The following ZC4H2 variants were observed in gnomAD, a reference collection of about 807,000 sequenced individuals.
ZC4H2 encodes the protein zinc finger C4H2-type containing, also known as zinc finger C4H2 domain-containing protein.
For missense variants in ZC4H2, 137 were observed against 173.9 expected, an observed-to-expected ratio of 0.79 and a Z score of 1.19; for synonymous variants, 84 against 66.3, an observed-to-expected ratio of 1.27 and a Z score of -1.30.
intron 1 of ZC4H2, among the ~76,000 whole-genome samples, chrX:64,965,949 CAAAAAAAAAAAA>C (rs148777993): frequency 2.7e-5 from 1 of 37,586 alleles, no homozygotes; most frequent in Non-Finnish European, 4.0e-5. Context: ...AACAAAGAAG[CAAAAAAAAAAAA>C]AAAAAAAAAG....
intron 1 of ZC4H2, among the ~76,000 whole-genome samples, chrX:65,028,310 TAG>T (rs752690102): frequency 5.4e-4 from 61 of 111,943 alleles, no homozygotes; most frequent in African/African-American, 1.9e-3. Context: ...TTCTAAGCAT[TAG>T]AGATACAGCA....
intron 1 of ZC4H2, among the ~76,000 whole-genome samples, chrX:65,002,793 C>A (rs1932570266): frequency 9.1e-6 from 1 of 109,787 alleles, no homozygotes; most frequent in African/African-American, 3.3e-5. Context: ...TGTGCTGTGT[C>A]CACTCAGGGT....
intron 1 of ZC4H2, 39 bp from the exon 2 acceptor site, chrX:64,922,027 A>C (rs1318168629): frequency 8.4e-7 from 1 of 1,196,788 alleles, no homozygotes; most frequent in Admixed American, 2.3e-5. Context: ...CCAGCAAAAG[A>C]AGGGAGAAAA....
chrX:64,918,984 C>T (rs188258732), intron 4 of ZC4H2, 58 bp downstream of exon 4: 26 of 1,116,353 alleles, frequency 2.3e-5, no homozygotes, highest in East Asian at 1.2e-4. Context: ...TAGCCTTCCA[C>T]GGCCCTTCCA....
intron 1 of ZC4H2, among the ~76,000 whole-genome samples, chrX:64,997,295 A>G (rs1262132174): frequency 1.8e-5 from 2 of 112,346 alleles, no homozygotes; most frequent in Non-Finnish European, 3.8e-5. Context: ...CCAGATGAAC[A>G]AAAGGTGAGG....
intron 1 of ZC4H2, among the ~76,000 whole-genome samples, chrX:64,951,179 GC>G (rs1930806656): frequency 8.9e-6 from 1 of 112,270 alleles, no homozygotes; most frequent in African/African-American, 3.2e-5. Flanking sequence ...GTATATATGT[GC>G]CACATTTTCT....
intron 1 of ZC4H2, among the ~76,000 whole-genome samples, chrX:64,973,489 A>G (rs1278634423): frequency 9.1e-6 from 1 of 109,655 alleles, no homozygotes; most frequent in Admixed American, 1.0e-4. Context: ...AGTTTACAAT[A>G]TAAATGTGTT....
chrX:64,989,491 GGA>G (rs1404726890), intron 1 of ZC4H2, among the ~76,000 whole-genome samples: 3 of 111,606 alleles, frequency 2.7e-5, no homozygotes, highest in Non-Finnish European at 3.8e-5. Flanking sequence ...GTTGTGAATG[GGA>G]GTTAATTTGA....
intron 1 of ZC4H2, among the ~76,000 whole-genome samples, chrX:64,934,991 C>A (rs1929932624): frequency 9.1e-6 from 1 of 110,436 alleles, no homozygotes; most frequent in South Asian, 3.9e-4. Context: ...GTTCACTCCC[C>A]TGGAAAGCGG....
chrX:64,915,995 A>C lies in ZC4H2; in HGVS notation c.*1788T>G, dbSNP rs979075122. 3 of 111,897 alleles carry C rather than the reference A, an allele frequency of 2.7e-5. No individual in the cohort carries two copies. The highest frequency in any genetic ancestry group is 9.8e-5 in the African/African-American group (3 of 30,757). The allele number at this position is 111,897 out of a possible 1,213,427, so 9.2% of individuals were successfully genotyped here. A position where few individuals can be genotyped will look rare whatever the true frequency, so the allele number is the denominator to read the frequency against. On this transcript the variant is annotated 3_prime_UTR_variant, in exon 5 of 5. Transcript: ENST00000374839. Reference sequence around the variant, plus strand: ...AGTTATTTCAACCACTCTCATCATCAAGCCATTCTGAAAGGGAGAAAGGTT... The same window carrying C: ...AGTTATTTCAACCACTCTCATCATCCAGCCATTCTGAAAGGGAGAAAGGTT...
At chrX:65,022,319 TA>T (rs1932842858) in intron 1 of ZC4H2, among the ~76,000 whole-genome samples, 11 of 111,682 alleles carry the variant, frequency 9.8e-5, no homozygotes, top group Admixed American at 3.8e-4. Context: ...TCAAAAAGCT[TA>T]TCCACCATGA....
chrX:65,014,249 C>T (rs2147287652), intron 1 of ZC4H2, among the ~76,000 whole-genome samples: 1 of 111,388 alleles, frequency 9.0e-6, no homozygotes, highest in East Asian at 2.8e-4. Flanking sequence ...GCTTGAGTGA[C>T]TAGTTTCCCT....
At chrX:64,982,408 T>G (rs1932100498) in intron 1 of ZC4H2, among the ~76,000 whole-genome samples, 1 of 112,092 alleles carries the variant, frequency 8.9e-6, no homozygotes, top group Admixed American at 9.5e-5. Flanking sequence ...TGAAAAGAGA[T>G]AAGTTATGAG....
intron 1 of ZC4H2, among the ~76,000 whole-genome samples, chrX:64,932,043 G>A (rs1026541076): frequency 9.1e-6 from 1 of 110,374 alleles, no homozygotes; most frequent in Non-Finnish European, 1.9e-5. Flanking sequence ...CCAGTGTTAG[G>A]TGCATATAAT....
chrX:64,948,421 T>C (rs765659774), intron 1 of ZC4H2, among the ~76,000 whole-genome samples: 35 of 112,106 alleles, frequency 3.1e-4, no homozygotes, highest in African/African-American at 1.1e-3. Context: ...TTTCACATTT[T>C]TTTTTGTGCA....
intron 1 of ZC4H2, among the ~76,000 whole-genome samples, chrX:65,016,145 C>CT (rs1184467718): frequency 1.8e-5 from 2 of 111,417 alleles, no homozygotes; most frequent in African/African-American, 3.3e-5. Context: ...TTCCCCTTTT[C>CT]TTTTTTGCCA....
rs1932278833 is a variant in ZC4H2 at position 64,989,993 on chromosome X, C to T, written c.-272+44636G>A. 2.7e-5 allele frequency among the ~76,000 whole-genome samples: 3 copies of T among 112,004 alleles called. No homozygotes were observed. In the South Asian group the frequency reaches 1.1e-3, roughly 42 times the overall value. On this transcript the variant is annotated intron_variant, in intron 1 of 4. Transcript: ENST00000337990. ...CAGTTTTGTATTTTTAAAAAAGAAACATGCAACTACCACATGACCTAGTAA... is the reference window on the plus strand; with the variant it reads ...CAGTTTTGTATTTTTAAAAAAGAAATATGCAACTACCACATGACCTAGTAA...
intron 1 of ZC4H2, among the ~76,000 whole-genome samples, chrX:65,013,690 G>C (rs1409078718): frequency 9.0e-6 from 1 of 111,313 alleles, no homozygotes; most frequent in African/African-American, 3.3e-5. Flanking sequence ...CCAAAGGTGA[G>C]TCTCGAGCTG....
chrX:64,943,655 CT>C (rs1014990768), intron 1 of ZC4H2, among the ~76,000 whole-genome samples: 3 of 109,198 alleles, frequency 2.7e-5, no homozygotes, highest in Admixed American at 9.8e-5. Context: ...GCAGCCCCTG[CT>C]TTTTTTTTGC....
Sources: gnomAD v4.1 joint callset for allele counts (sites outside exome capture counted in the v4.1 genomes callset) on GRCh38, gnomAD v4.1.1 for gene constraint, MANE v1.5 for transcripts, NCBI Gene and HGNC (gene_info 2026-07-23, HGNC 2026-07-21) for gene names.